Variants in PDZD2 observed in about 807,000 individuals in gnomAD.
The protein encoded by PDZD2 is PDZ domain containing 2.
PDZD2 carries 90 observed loss-of-function variants against 220.7 expected under a neutral mutation model. The observed-to-expected ratio is 0.41, with a 90% CI of 0.34 to 0.49. The LOEUF is 0.49. PDZD2 is among the 20% of genes least tolerant of loss of function. PDZD2 has a pLI of 0.28. For synonymous variants in PDZD2, 1,375 were observed against 1,450.5 expected (o/e 0.95, Z 1.18); for missense variants, 3,174 against 3,608.5 (o/e 0.88, Z 3.08).
intron 2 of PDZD2, among the ~76,000 whole-genome samples, chr5:31,898,919 C>T (rs547580813): frequency 1.0e-3 from 155 of 151,282 alleles, no homozygotes; most frequent in Non-Finnish European, 6.8e-4. Flanking sequence ...GCTCCACCTC[C>T]TGGGTACACG....
At chr5:32,095,060 C>T (rs141769419) in intron 21 of PDZD2, among the ~76,000 whole-genome samples, 6,394 of 152,300 alleles carry the variant, frequency 0.042, 183 homozygotes, top group Non-Finnish European at 0.059. Flanking sequence ...TGCCAGGCCC[C>T]CTTTACCCCA....
intron 2 of PDZD2, among the ~76,000 whole-genome samples, chr5:31,828,004 C>T (rs1756333039): frequency 6.6e-6 from 1 of 152,166 alleles, no homozygotes; most frequent in Non-Finnish European, 1.5e-5. Context: ...CTTCAGTGCT[C>T]ATCTGTGTTT....
intron 1 of PDZD2, among the ~76,000 whole-genome samples, chr5:31,713,731 G>A (rs1347746294): frequency 2.0e-5 from 3 of 152,130 alleles, no homozygotes; most frequent in Non-Finnish European, 4.4e-5. Context: ...ATTTTTAATA[G>A]AGACAGGGTT....
intron 1 of PDZD2, among the ~76,000 whole-genome samples, chr5:31,700,788 A>T (rs1383801737): frequency 6.6e-6 from 1 of 152,246 alleles, no homozygotes; most frequent in Admixed American, 6.5e-5. Context: ...CTGCCATGGC[A>T]TTAGCATAGG....
At chr5:32,072,388 C>A in intron 17 of PDZD2, 71 bp downstream of exon 17, 2 of 1,231,874 alleles carry the variant, frequency 1.6e-6, no homozygotes, top group Non-Finnish European at 2.3e-6. Context: ...CACCTCTGTG[C>A]TGGCGGCTAC....
At position 31,704,041 on chromosome 5, in the gene PDZD2, C is replaced by T. The variant is rs548923706; in HGVS notation, c.-361+64604C>T. Among the ~76,000 whole-genome samples, 4 of 148,456 alleles carry T rather than the reference C, an allele frequency of 2.7e-5. No homozygotes were observed. In the East Asian group the frequency reaches 8.0e-4, roughly 30 times the overall value. ...TTCTTTCCTTCCTTTCTTTCTTGAT[C>T]TTGCTGTATCACCCAGGCTGGAGTG... On this transcript the variant is annotated intron_variant, in intron 1 of 24. Coordinates refer to ENST00000438447, the MANE Select transcript of PDZD2 (RefSeq NM_178140.4).
intron 1 of PDZD2, among the ~76,000 whole-genome samples, chr5:31,676,334 C>T (rs1384057514): frequency 6.6e-6 from 1 of 152,108 alleles, no homozygotes; most frequent in Non-Finnish European, 1.5e-5. Flanking sequence ...GCACAGGATT[C>T]AATGGACAGC....
chr5:31,759,097 C>T (rs1449078719), intron 1 of PDZD2, among the ~76,000 whole-genome samples: 1 of 152,182 alleles, frequency 6.6e-6, no homozygotes, highest in African/African-American at 2.4e-5. Context: ...CTCCCCCACG[C>T]CAGCACTTCT....
intron 5 of PDZD2, among the ~76,000 whole-genome samples, chr5:32,006,353 A>ATTTTT (rs71912250): frequency 2.2e-5 from 3 of 134,356 alleles, no homozygotes; most frequent in African/African-American, 5.5e-5. Flanking sequence ...AGGAAGTACA[A>ATTTTT]TTTTTTTTTT....
intron 1 of PDZD2, among the ~76,000 whole-genome samples, chr5:31,757,636 G>C (rs1255508094): frequency 6.6e-6 from 1 of 152,078 alleles, no homozygotes. Flanking sequence ...TCAGTGGCTA[G>C]TGTGGCTAAT....
At chr5:31,913,420 C>T (rs1357359721) in intron 2 of PDZD2, among the ~76,000 whole-genome samples, 1 of 151,750 alleles carries the variant, frequency 6.6e-6, no homozygotes, top group East Asian at 1.9e-4. Context: ...TTACTGAGGA[C>T]TTCAGGCAAA....
intron 2 of PDZD2, among the ~76,000 whole-genome samples, chr5:31,895,874 T>A (rs1324000665): frequency 2.0e-5 from 3 of 152,140 alleles, no homozygotes; most frequent in Admixed American, 1.3e-4. Flanking sequence ...TGGCTGTAGA[T>A]AATAGGTGCC....
chr5:31,740,362 TCA>T (rs749692618), intron 1 of PDZD2, among the ~76,000 whole-genome samples: 39 of 126,622 alleles, frequency 3.1e-4, no homozygotes, highest in African/African-American at 8.7e-4. Context: ...CTACTAAAAA[TCA>T]AAAAAAAAAA....
intron 1 of PDZD2, among the ~76,000 whole-genome samples, chr5:31,717,519 T>G (rs1748524217): frequency 6.6e-6 from 1 of 150,946 alleles, no homozygotes; most frequent in Non-Finnish European, 1.5e-5. Flanking sequence ...TGAGTGACCT[T>G]AGCACCTCGC....
intron 1 of PDZD2, among the ~76,000 whole-genome samples, chr5:31,686,768 T>C (rs928405563): frequency 6.6e-6 from 1 of 152,274 alleles, no homozygotes; most frequent in Non-Finnish European, 1.5e-5. Context: ...AATAGGGATA[T>C]GGTTTTCCAT....
rs544280100 is a variant in PDZD2, at chr5:31,704,794, A to ATTAT, written c.-361+65358_-361+65359insTATT. Among the ~76,000 whole-genome samples the ATTAT allele has an allele frequency of 3.2e-3, 488 of 152,360 alleles. 2 individuals are homozygous for ATTAT. The highest frequency in any genetic ancestry group is 4.5e-3 in the Non-Finnish European group (306 of 68,042). On this transcript the variant is annotated intron_variant, in intron 1 of 24. Transcript: ENST00000438447. ...TGGCAAAGAGGGCCAGATCTTAAAA[A>ATTAT]TAAAATAGAGAGTAAGAATCAAAGA...
intron 1 of PDZD2, among the ~76,000 whole-genome samples, chr5:31,654,584 C>A (rs1248739717): frequency 2.6e-5 from 4 of 152,178 alleles, no homozygotes; most frequent in Non-Finnish European, 5.9e-5. Context: ...TCATCTCAAA[C>A]TTTAACATCT....
At chr5:31,771,698 A>G (rs1470211200) in intron 1 of PDZD2, among the ~76,000 whole-genome samples, 1 of 152,214 alleles carries the variant, frequency 6.6e-6, no homozygotes, top group African/African-American at 2.4e-5. Context: ...GGAAGATTGC[A>G]TGAGGCCAAG....
At position 32,036,208 on chromosome 5, in the gene PDZD2, C is replaced by T. The variant is rs527684426; in HGVS notation, c.1408-1023C>T. Among the ~76,000 whole-genome samples the T allele has an allele frequency of 7.2e-5, 11 of 152,264 alleles. No homozygotes were observed. The East Asian group carries it at 7.7e-4, about 11-fold the overall frequency. On this transcript the variant is annotated intron_variant, in intron 6 of 24. Transcript: ENST00000438447. Reference sequence around the variant, plus strand: ...GTCTCGATCTCCTGACCTCGTGATCCGCCCACCTCTGCCTCCGGGCATGAG... The same window carrying T: ...GTCTCGATCTCCTGACCTCGTGATCTGCCCACCTCTGCCTCCGGGCATGAG...
Sources: allele counts gnomAD v4.1 joint callset (sites outside exome capture counted in the v4.1 genomes callset), GRCh38; gene constraint gnomAD v4.1.1; transcripts MANE v1.5; gene names NCBI Gene and HGNC (gene_info 2026-07-23, HGNC 2026-07-21).